Variants in PARN observed in about 807,000 individuals in gnomAD.
The protein encoded by PARN is poly(A)-specific ribonuclease.
A neutral mutation model predicts 102.8 loss-of-function variants in PARN; 71 were observed. The ratio of observed to expected loss-of-function variants is 0.69; its 90% CI spans 0.57 to 0.84. PARN has a LOEUF of 0.84. Among genes scored for constraint, PARN ranks in the 40% least tolerant of loss-of-function variants. The pLI is 0.00. For missense variants in PARN, 782 were observed against 760.9 expected (o/e 1.03, Z -0.33); for synonymous variants, 261 against 252.9 (o/e 1.03, Z -0.30).
At chr16:14,515,693 C>T (rs943512147) in intron 21 of PARN, among the ~76,000 whole-genome samples, 2 of 151,902 alleles carry the variant, frequency 1.3e-5, no homozygotes, top group South Asian at 2.1e-4. Context: ...CCTAGCTACT[C>T]GAGAGGCTGA....
chr16:14,492,283 T>C (rs76204869), intron 21 of PARN, among the ~76,000 whole-genome samples: 1,690 of 152,226 alleles, frequency 0.011, 43 homozygotes, highest in African/African-American at 0.038. Flanking sequence ...AGGGCCTCCA[T>C]GGCAGCGCCT....
chr16:14,622,801 C>T (rs576510400), intron 5 of PARN, among the ~76,000 whole-genome samples: 3 of 152,190 alleles, frequency 2.0e-5, no homozygotes, highest in Non-Finnish European at 4.4e-5. Flanking sequence ...TCACCACACC[C>T]GGCCCATTTT....
chr16:14,599,950 T>C lies in PARN; in HGVS notation c.794A>G (p.Asn265Ser), dbSNP rs1043913377. Residue 265 changes from asparagine (N) to serine (S), a missense_variant, in exon 12 of 24, where the codon AAT (asparagine) becomes AGT (serine). Transcript: ENST00000437198. ...GACTCTAGAAAATCCCACAGCATCATTCAGCTCCTCCTAATTAAAAAAATA... is the reference window on the plus strand; with the variant it reads ...GACTCTAGAAAATCCCACAGCATCACTCAGCTCCTCCTAATTAAAAAAATA... ...QKHAKEQEEL[N>S]DAVGFSRVIH... 5.0e-6 allele frequency: 8 copies of C among 1,589,064 alleles called. No homozygotes were observed. Among genetic ancestry groups the C allele is most frequent in the African/African-American group, 1.3e-5 (1 of 74,506 alleles).
intron 21 of PARN, among the ~76,000 whole-genome samples, chr16:14,490,275 T>C (rs1335977557): frequency 6.6e-6 from 1 of 152,202 alleles, no homozygotes; most frequent in African/African-American, 2.4e-5. Flanking sequence ...ATAAGGACAC[T>C]GAGACTCATA....
chr16:14,524,082 G>A (rs1184146290), intron 21 of PARN, among the ~76,000 whole-genome samples: 2 of 152,124 alleles, frequency 1.3e-5, no homozygotes, highest in Non-Finnish European at 2.9e-5. Flanking sequence ...TGTAGTATAC[G>A]CAGTCCATAG....
intron 5 of PARN, among the ~76,000 whole-genome samples, chr16:14,626,841 T>A (rs1972702867): frequency 6.6e-6 from 1 of 151,872 alleles, no homozygotes; most frequent in African/African-American, 2.4e-5. Flanking sequence ...ATGGTCTCGA[T>A]CTCCTGACCT....
intron 16 of PARN, among the ~76,000 whole-genome samples, chr16:14,583,161 T>C (rs1044520968): frequency 1.3e-5 from 2 of 152,226 alleles, no homozygotes; most frequent in Non-Finnish European, 2.9e-5. Context: ...AATACAGATG[T>C]GACCAGATAA....
chr16:14,538,139 G>A (rs1335396039), intron 21 of PARN, among the ~76,000 whole-genome samples: 1 of 151,484 alleles, frequency 6.6e-6, no homozygotes, highest in Non-Finnish European at 1.5e-5. Flanking sequence ...AAAGAAACAG[G>A]AAATACCAAA....
intron 21 of PARN, among the ~76,000 whole-genome samples, chr16:14,515,392 T>TA (rs1433470247): frequency 6.6e-6 from 1 of 152,232 alleles, no homozygotes; most frequent in East Asian, 1.9e-4. Flanking sequence ...CAACTGACCT[T>TA]AAACATATGT....
In PARN at chr16:14,584,274, C is replaced by G. The variant is rs1475475976; in HGVS notation, c.1081+73G>C. 11 of 1,084,332 alleles carry G rather than the reference C, an allele frequency of 1.0e-5. No individual in the cohort carries two copies. In the African/African-American group the frequency reaches 1.2e-4, roughly 12 times the overall value. The allele number at this position is 1,084,332 out of a possible 1,614,324, so 67.2% of individuals were successfully genotyped here. A position where few individuals can be genotyped will look rare whatever the true frequency, so the allele number is the denominator to read the frequency against. On this transcript the variant is annotated intron_variant, in intron 16 of 23. Transcript: ENST00000437198. ...GAACAATACGGTCTCCAGAGCCATT[C>G]TGCTTTTCTTCTACAATATACATCA...
At chr16:14,484,645 A>G (rs1268128950) in intron 21 of PARN, among the ~76,000 whole-genome samples, 2 of 152,214 alleles carry the variant, frequency 1.3e-5, no homozygotes, top group Non-Finnish European at 2.9e-5. Context: ...CCAGTTTACC[A>G]GGGACCTTAA....
At chr16:14,472,988 G>C (rs1435048011) in intron 22 of PARN, among the ~76,000 whole-genome samples, 1 of 152,146 alleles carries the variant, frequency 6.6e-6, no homozygotes, top group African/African-American at 2.4e-5. Context: ...CAAAAGTATA[G>C]ATACAAAAAG....
intron 18 of PARN, among the ~76,000 whole-genome samples, chr16:14,560,717 C>T (rs1968002517): frequency 6.6e-6 from 1 of 152,224 alleles, no homozygotes; most frequent in Non-Finnish European, 1.5e-5. Flanking sequence ...GCTCAATACA[C>T]TGGGTCACTT....
chr16:14,611,111 A>G (rs964675293), intron 6 of PARN, among the ~76,000 whole-genome samples: 10 of 152,254 alleles, frequency 6.6e-5, no homozygotes, highest in African/African-American at 9.6e-5. Context: ...TACTTCTGAC[A>G]AGAAAATCAG....
chr16:14,494,047 ACACAT>A (rs1469922126), intron 21 of PARN, among the ~76,000 whole-genome samples: 1 of 152,148 alleles, frequency 6.6e-6, no homozygotes, highest in Non-Finnish European at 1.5e-5. Flanking sequence ...TTTCAACCCA[ACACAT>A]CTTGAAAACA....
At chr16:14,466,778 C>G (rs1962385261) in intron 22 of PARN, among the ~76,000 whole-genome samples, 1 of 151,996 alleles carries the variant, frequency 6.6e-6, no homozygotes, top group African/African-American at 2.4e-5. Context: ...AGCCAGTTAC[C>G]TAAACAACAA....
At chr16:14,465,109 G>A (rs978654867) in intron 22 of PARN, among the ~76,000 whole-genome samples, 3 of 151,792 alleles carry the variant, frequency 2.0e-5, no homozygotes, top group African/African-American at 4.8e-5. Context: ...TCTCTGTTAC[G>A]TAGGCTGGAG....
In PARN at chr16:14,617,406, C is replaced by T. The variant is rs536040190; in HGVS notation, c.388+184G>A. Among the ~76,000 whole-genome samples the T allele has an allele frequency of 7.9e-4, 111 of 141,348 alleles. No individual in the cohort carries two copies. The South Asian group carries it at 0.025, about 32-fold the overall frequency. The allele number at this position is 141,348 out of a possible 152,430, so 92.7% of individuals were successfully genotyped here. On this transcript the variant is annotated intron_variant, in intron 6 of 23. Coordinates refer to ENST00000437198, the MANE Select transcript of PARN (RefSeq NM_002582.4). ...TCAAAAAAAAAAAAAAAAAAAAAAT[C>T]ACAGTAAGCAAGTTTTTAAAAATTC...
intron 22 of PARN, among the ~76,000 whole-genome samples, chr16:14,464,563 C>T (rs1220075883): frequency 2.0e-5 from 3 of 152,060 alleles, no homozygotes; most frequent in African/African-American, 4.8e-5. Flanking sequence ...CAAGACCAGA[C>T]TGGCCAACAT....
Sources: allele counts gnomAD v4.1 joint callset (sites outside exome capture counted in the v4.1 genomes callset), GRCh38; gene constraint gnomAD v4.1.1; transcripts MANE v1.5; gene names NCBI Gene and HGNC (gene_info 2026-07-23, HGNC 2026-07-21).